Variants in AFAP1 observed in about 807,000 individuals in gnomAD.
AFAP1 encodes the protein actin filament associated protein 1.
A neutral mutation model predicts 93.9 loss-of-function variants in AFAP1; 75 were observed. The ratio of observed to expected loss-of-function variants is 0.80; its 90% CI spans 0.66 to 0.97. AFAP1 has a LOEUF of 0.97. AFAP1 is among the 50% of genes least tolerant of loss of function. AFAP1 has a pLI of 0.00. For missense variants in AFAP1, 1,201 were observed against 1,050.8 expected (o/e 1.14, Z -1.98); for synonymous variants, 517 against 430.7 (o/e 1.20, Z -2.48).
At chr4:7,858,773 A>T (rs1374566681) in intron 3 of AFAP1, among the ~76,000 whole-genome samples, 2 of 152,146 alleles carry the variant, frequency 1.3e-5, no homozygotes, top group Admixed American at 1.3e-4. Context: ...CCCTCACCTA[A>T]AACAAGGGCA....
chr4:7,780,212 A>G (rs574389338), intron 13 of AFAP1, among the ~76,000 whole-genome samples: 9 of 152,284 alleles, frequency 5.9e-5, no homozygotes, highest in African/African-American at 1.9e-4. Flanking sequence ...CCCCAACTAC[A>G]CTTAGCTCAG....
intron 1 of AFAP1, among the ~76,000 whole-genome samples, chr4:7,903,332 T>C (rs1249739293): frequency 6.6e-6 from 1 of 152,160 alleles, no homozygotes; most frequent in Non-Finnish European, 1.5e-5. Context: ...ACCAGGAAAC[T>C]GGAAAGAAGA....
intron 1 of AFAP1, among the ~76,000 whole-genome samples, chr4:7,906,953 G>C (rs1719439622): frequency 6.6e-6 from 1 of 150,582 alleles, no homozygotes; most frequent in African/African-American, 2.4e-5. Flanking sequence ...AGTGAGCTGA[G>C]GTCGCGCCAC....
At chr4:7,778,932 T>C (rs990108291) in intron 13 of AFAP1, 56 bp from the exon 14 acceptor site, 1 of 1,341,900 alleles carries the variant, frequency 7.5e-7, no homozygotes, top group Non-Finnish European at 1.0e-6. Flanking sequence ...AAACAAATCT[T>C]GGTCTTTTTT....
chr4:7,848,116 G>GAAGGAAGGAAGGAAGC (rs1713964852), intron 4 of AFAP1, among the ~76,000 whole-genome samples: 1 of 132,424 alleles, frequency 7.6e-6, no homozygotes. Flanking sequence ...AGGAAGGAAG[G>GAAGGAAGGAAGGAAGC]AAGGAAGGAA....
chr4:7,852,848 G>A (rs34132874), intron 4 of AFAP1, among the ~76,000 whole-genome samples: 2 of 152,082 alleles, frequency 1.3e-5, no homozygotes, highest in African/African-American at 4.8e-5. Flanking sequence ...CACATAAGAA[G>A]GGCTAACAGG....
chr4:7,832,549 T>G (rs1711751111), intron 6 of AFAP1, among the ~76,000 whole-genome samples: 1 of 151,760 alleles, frequency 6.6e-6, no homozygotes, highest in Admixed American at 6.6e-5. Context: ...TCACAACAGG[T>G]ACTTGCCGGC....
chr4:7,840,603 C>G (rs1222859920), intron 5 of AFAP1, among the ~76,000 whole-genome samples: 2 of 152,124 alleles, frequency 1.3e-5, no homozygotes, highest in Non-Finnish European at 2.9e-5. Context: ...TGAGCCACAG[C>G]GCCCAGCCTT....
At chr4:7,834,950 G>A (rs929938207) in intron 6 of AFAP1, among the ~76,000 whole-genome samples, 1 of 148,954 alleles carries the variant, frequency 6.7e-6, no homozygotes, top group Non-Finnish European at 1.5e-5. Flanking sequence ...TGAATGGACT[G>A]CGGGCTGCCT....
At chr4:7,801,236 G>A (rs978767946) in intron 9 of AFAP1, among the ~76,000 whole-genome samples, 19 of 152,228 alleles carry the variant, frequency 1.2e-4, no homozygotes, top group African/African-American at 4.3e-4. Context: ...GTTCCCACCT[G>A]AGGCTGAGGA....
chr4:7,916,310 A>G (rs143986065), intron 1 of AFAP1, among the ~76,000 whole-genome samples: 158 of 152,344 alleles, frequency 1.0e-3, no homozygotes, highest in African/African-American at 3.6e-3. Flanking sequence ...ACAATACAGC[A>G]GACATCCAGT....
At chr4:7,831,882 C>T (rs570606058) in intron 6 of AFAP1, among the ~76,000 whole-genome samples, 5 of 152,134 alleles carry the variant, frequency 3.3e-5, no homozygotes, top group East Asian at 1.9e-4. Flanking sequence ...TCCCTCCTTA[C>T]GGAAGGGATG....
chr4:7,823,533 GCTC>G (rs1721159926), intron 6 of AFAP1, among the ~76,000 whole-genome samples: 1 of 152,242 alleles, frequency 6.6e-6, no homozygotes, highest in South Asian at 2.1e-4. Flanking sequence ...CCCTGGCTAA[GCTC>G]CTGGCAGACT....
chr4:7,856,482 A>C (rs536234574), intron 3 of AFAP1, among the ~76,000 whole-genome samples: 6 of 152,066 alleles, frequency 3.9e-5, no homozygotes, highest in African/African-American at 2.4e-5. Flanking sequence ...CCTCGTGATC[A>C]GCCCGCCTTG....
chr4:7,904,634 G>A (rs1560229300), intron 1 of AFAP1, among the ~76,000 whole-genome samples: 1 of 152,160 alleles, frequency 6.6e-6, no homozygotes, highest in Non-Finnish European at 1.5e-5. Flanking sequence ...CATGGTCACA[G>A]GTTATTTAGT....
intron 4 of AFAP1, among the ~76,000 whole-genome samples, chr4:7,850,310 G>A (rs192527968): frequency 1.3e-5 from 2 of 152,108 alleles, no homozygotes; most frequent in African/African-American, 4.8e-5. Context: ...CAACATCGGG[G>A]CCTGAGGAAG....
At chr4:7,798,101 T>TTGCAACTCTATTGGCTGGCTCACGGCAC (rs1718620374) in intron 10 of AFAP1, among the ~76,000 whole-genome samples, 1 of 95,012 alleles carries the variant, frequency 1.1e-5, no homozygotes. Context: ...GCTCACGGCA[T>TTGCAACTCTATTGGCTGGCTCACGGCAC]TGCAACTCTA....
chr4:7,818,273 C>T (rs1720662146), intron 7 of AFAP1, among the ~76,000 whole-genome samples: 1 of 152,232 alleles, frequency 6.6e-6, no homozygotes, highest in African/African-American at 2.4e-5. Context: ...GCGGCCCACA[C>T]TGCAGGTTTC....
chr4:7,858,380 A>G (rs1245237190), intron 3 of AFAP1, among the ~76,000 whole-genome samples: 2 of 152,192 alleles, frequency 1.3e-5, no homozygotes, highest in Non-Finnish European at 2.9e-5. Flanking sequence ...CCCTCAGAAA[A>G]TAATACTGCT....
Sources: gnomAD v4.1 joint callset for allele counts (sites outside exome capture counted in the v4.1 genomes callset) on GRCh38, gnomAD v4.1.1 for gene constraint, MANE v1.5 for transcripts, NCBI Gene and HGNC (gene_info 2026-07-23, HGNC 2026-07-21) for gene names.